LRRC4B: variants seen among roughly 807,000 people sequenced by gnomAD.
LRRC4B encodes leucine rich repeat containing 4B.
LRRC4B carries 1 observed loss-of-function variant against 7.3 expected under a neutral mutation model. The observed-to-expected ratio is 0.14, with a 90% CI of 0.05 to 0.65. LRRC4B has a LOEUF of 0.65. Among genes scored for constraint, LRRC4B ranks in the 30% least tolerant of loss-of-function variants. LRRC4B has a pLI of 0.84. For synonymous variants in LRRC4B, 500 were observed against 499.2 expected, an observed-to-expected ratio of 1.00 and a Z score of -0.02; for missense variants, 730 against 1,041.6, an observed-to-expected ratio of 0.70 and a Z score of 4.12.
intron 2 of LRRC4B, among the ~76,000 whole-genome samples, chr19:50,536,142 T>C (rs372774009): frequency 9.9e-5 from 13 of 130,752 alleles, no homozygotes; most frequent in African/African-American, 6.0e-4. Flanking sequence ...CCTTCCTTTT[T>C]TTTTTTTTTA....
rs1036988376 is a variant in LRRC4B at position 50,552,385 on chromosome 19, G to A, written c.-35-3512C>T. ...AACCTGCGCCCTGCACCGTCACCCC[G>A]TCCCGTGGCTGAGGGCCAGCCCCTC... On this transcript the variant is annotated intron_variant, in intron 1 of 2. Coordinates refer to ENST00000652263, the MANE Select transcript of LRRC4B (RefSeq NM_001080457.2). 4.6e-5 allele frequency among the ~76,000 whole-genome samples: 7 copies of A among 151,888 alleles called. No homozygotes were observed. In the East Asian group the frequency reaches 5.8e-4, roughly 13 times the overall value.
chr19:50,517,331 C>CA lies in LRRC4B; in HGVS notation c.*239_*240insT, dbSNP rs1289875913. 1.3e-4 allele frequency: 46 copies of CA among 367,796 alleles called. No homozygotes were observed. The East Asian group carries it at 1.7e-3, about 13-fold the overall frequency. 22.8% of individuals were successfully genotyped at this position (367,796 alleles called of 1,614,324 possible). A position where few individuals can be genotyped will look rare whatever the true frequency, so the allele number is the denominator to read the frequency against. On this transcript the variant is annotated 3_prime_UTR_variant, in exon 3 of 3. Coordinates refer to ENST00000652263, the MANE Select transcript of LRRC4B (RefSeq NM_001080457.2). The surrounding 1 kb of genome is among the most constrained non-coding windows in gnomAD (Gnocchi z 6.6). Reference sequence around the variant, plus strand: ...CTTCTCCTGGGTCCCACGTCCCCTCCCGTCACCGGGGATTGGCGGGGGTGA... The same window carrying CA: ...CTTCTCCTGGGTCCCACGTCCCCTCCACGTCACCGGGGATTGGCGGGGGTGA...
chr19:50,547,046 A>G (rs1395187626), intron 2 of LRRC4B, among the ~76,000 whole-genome samples: 1 of 152,158 alleles, frequency 6.6e-6, no homozygotes, highest in African/African-American at 2.4e-5. Flanking sequence ...AAGTGGGGGA[A>G]GGATGGAGTG....
At chr19:50,547,710 C>A (rs1981874703) in intron 2 of LRRC4B, among the ~76,000 whole-genome samples, 1 of 149,734 alleles carries the variant, frequency 6.7e-6, no homozygotes, top group Non-Finnish European at 1.5e-5. Context: ...AGCCCCCCAC[C>A]CTGCCCGCCA....
At chr19:50,526,856 CTTTT>C (rs34995756) in intron 2 of LRRC4B, among the ~76,000 whole-genome samples, 1 of 138,500 alleles carries the variant, frequency 7.2e-6, no homozygotes. Flanking sequence ...TTATCTTTTA[CTTTT>C]TTTTTTTTTT....
rs534725317 is a variant in LRRC4B, at chr19:50,560,389, C to T, written c.-36+7555G>A. Among the ~76,000 whole-genome samples the T allele has an allele frequency of 8.7e-4, 133 of 152,246 alleles. 1 individual carries two copies. Among genetic ancestry groups the T allele is most frequent in the African/African-American group, 3.1e-3 (130 of 41,528 alleles). ...AGACCTGGGTTTGAACCTCAGCTGC[C>T]ACAGTTACTAGCCATGTTGGCTTGC... On this transcript the variant is annotated intron_variant, in intron 1 of 2. Transcript: ENST00000652263.
intron 2 of LRRC4B, among the ~76,000 whole-genome samples, chr19:50,525,495 TCCC>T (rs1386426606): frequency 2.0e-5 from 3 of 149,702 alleles, no homozygotes; most frequent in African/African-American, 7.4e-5. Context: ...AACCTCCACC[TCCC>T]GGGTTCAAGT....
Position 50,518,266 on chromosome 19 carries a change from C to G in LRRC4B, c.1447G>C (p.Gly483Arg). ...GSGGVGGGSGGYTYFTTVTVE... is the reference protein window; with the variant it reads ...GSGGVGGGSGRYTYFTTVTVE... Reference sequence around the variant, plus strand: ...GTCACCGTGGTGAAGTAGGTGTAGCCGCCACTGCCCCCTCCAACACCACCA... The same window carrying G: ...GTCACCGTGGTGAAGTAGGTGTAGCGGCCACTGCCCCCTCCAACACCACCA... The change falls in exon 3 of 3, where the codon GGC (glycine) becomes CGC (arginine). Residue 483 changes from glycine (G) to arginine (R), a missense_variant. Gly to Arg is a moderately radical substitution (Grantham distance 125). Around this residue, in one of 6 missense-constraint regions of LRRC4B, gnomAD observed 192 missense variants for 228.6 expected, o/e 0.84. Coordinates refer to ENST00000652263, the MANE Select transcript of LRRC4B (RefSeq NM_001080457.2). 6.2e-7 allele frequency: 1 copy of G among 1,600,694 alleles called. No individual in the cohort carries two copies. The highest frequency in any genetic ancestry group is 1.7e-4 in the Middle Eastern group (1 of 6,034).
chr19:50,543,866 A>G (rs1222560575), intron 2 of LRRC4B, among the ~76,000 whole-genome samples: 1 of 150,818 alleles, frequency 6.6e-6, no homozygotes, highest in Non-Finnish European at 1.5e-5. Flanking sequence ...AAAAAAAAAA[A>G]AAAAAAAGAA....
chr19:50,545,471 C>T (rs1044878556), intron 2 of LRRC4B, among the ~76,000 whole-genome samples: 39 of 148,574 alleles, frequency 2.6e-4, no homozygotes, highest in African/African-American at 9.4e-4. Context: ...GTCCCAGCTA[C>T]TCTGGAGGCT....
intron 2 of LRRC4B, among the ~76,000 whole-genome samples, chr19:50,528,765 T>C (rs1599764462): frequency 6.6e-6 from 1 of 152,178 alleles, no homozygotes; most frequent in East Asian, 1.9e-4. Flanking sequence ...TGAATGTATT[T>C]GCAGGGAGCT....
Position 50,519,398 on chromosome 19 carries a change from C to A in LRRC4B, c.315G>T (p.Thr105=). The change falls in exon 3 of 3, where the codon ACG becomes ACT. Residue 105 remains threonine (T), a synonymous_variant. Transcript: ENST00000652263. The surrounding 1 kb of genome is among the most constrained non-coding windows in gnomAD (Gnocchi z 8.1). ...TCTCCAGGTGCCGCAGGTGCTTGAACGTGTCCGTCCGGATCACCTGGGGAG... is the reference window on the plus strand; with the variant it reads ...TCTCCAGGTGCCGCAGGTGCTTGAAAGTGTCCGTCCGGATCACCTGGGGAG... ...ENGIQVIRTD[T]FKHLRHLEIL... 3 of 1,598,890 alleles carry A rather than the reference C, an allele frequency of 1.9e-6. No individual in the cohort carries two copies. Among genetic ancestry groups the A allele is most frequent in the Non-Finnish European group, 2.6e-6 (3 of 1,175,732 alleles).
chr19:50,551,252 C>T (rs904704740), intron 1 of LRRC4B, among the ~76,000 whole-genome samples: 11 of 151,940 alleles, frequency 7.2e-5, no homozygotes, highest in African/African-American at 2.2e-4. Context: ...CACATGCCTC[C>T]GGCCAGCCGG....
intron 2 of LRRC4B, among the ~76,000 whole-genome samples, chr19:50,540,647 C>T (rs568203046): frequency 1.7e-4 from 26 of 151,884 alleles, no homozygotes; most frequent in Non-Finnish European, 3.7e-4. Context: ...TGAGGCACCA[C>T]GCTCGGCCAG....
At chr19:50,535,390 T>G (rs1981237792) in intron 2 of LRRC4B, among the ~76,000 whole-genome samples, 1 of 152,038 alleles carries the variant, frequency 6.6e-6, no homozygotes, top group African/African-American at 2.4e-5. Flanking sequence ...CGGGCTGGTC[T>G]CCAACTCCTG....
At chr19:50,532,411 T>C (rs1441967031) in intron 2 of LRRC4B, among the ~76,000 whole-genome samples, 1 of 152,142 alleles carries the variant, frequency 6.6e-6, no homozygotes, top group Non-Finnish European at 1.5e-5. Context: ...CTCGACAAAG[T>C]GTCAGAGGCC....
intron 2 of LRRC4B, among the ~76,000 whole-genome samples, chr19:50,530,354 C>T (rs945536627): frequency 1.3e-5 from 2 of 152,310 alleles, no homozygotes; most frequent in African/African-American, 4.8e-5. Flanking sequence ...GCCCCTCACT[C>T]GCAGCCCTCA....
intron 1 of LRRC4B, among the ~76,000 whole-genome samples, chr19:50,557,067 G>T (rs1982301678): frequency 6.6e-6 from 1 of 152,124 alleles, no homozygotes; most frequent in South Asian, 2.1e-4. Flanking sequence ...GGCCAGGGAG[G>T]AGCTGCGCCA....
chr19:50,536,759 C>A (rs1046659191), intron 2 of LRRC4B, among the ~76,000 whole-genome samples: 1 of 152,098 alleles, frequency 6.6e-6, no homozygotes, highest in African/African-American at 2.4e-5. Flanking sequence ...TGGCACAGGG[C>A]AAGCACATCT....
Sources: gnomAD v4.1 joint callset for allele counts (sites outside exome capture counted in the v4.1 genomes callset) on GRCh38, gnomAD v4.1.1 for gene constraint, gnomAD v4.1.1 regional missense constraint, Gnocchi (gnomAD v3.1) non-coding constraint, MANE v1.5 for transcripts, NCBI Gene and HGNC (gene_info 2026-07-23, HGNC 2026-07-21) for gene names.